Variants in MGA observed in about 807,000 individuals in gnomAD.
MGA encodes MAX gene-associated protein.
Under a neutral mutation model 261.1 loss-of-function variants are expected in MGA, and 40 were observed. That is an observed-to-expected ratio of 0.15 (90% CI 0.12 to 0.20). The LOEUF is 0.20. Among genes scored for constraint, MGA ranks in the 10% least tolerant of loss-of-function variants. The pLI is 1.00. For missense variants in MGA, 3,397 were observed against 3,630.5 expected (o/e 0.94, Z 1.65); for synonymous variants, 1,302 against 1,290.6 (o/e 1.01, Z -0.19).
intron 1 of MGA, among the ~76,000 whole-genome samples, chr15:41,626,572 G>A (rs1320875860): frequency 1.3e-5 from 2 of 151,496 alleles, no homozygotes; most frequent in Non-Finnish European, 2.9e-5. Context: ...ACAGGCATGC[G>A]CCATCACGCC....
intron 18 of MGA, among the ~76,000 whole-genome samples, chr15:41,755,915 A>G (rs1201869879): frequency 6.6e-6 from 1 of 152,058 alleles, no homozygotes; most frequent in Non-Finnish European, 1.5e-5. Context: ...GCTACTCGGG[A>G]GGCTAAGGCA....
chr15:41,655,889 A>G (rs1427557187), upstream of MGA, among the ~76,000 whole-genome samples: 1 of 152,232 alleles, frequency 6.6e-6, no homozygotes, highest in African/African-American at 2.4e-5. Flanking sequence ...CTGTTTTCCA[A>G]ACCTCACATT....
chr15:41,729,816 C>CA (rs775349536), intron 11 of MGA, among the ~76,000 whole-genome samples: 3 of 152,086 alleles, frequency 2.0e-5, no homozygotes, highest in Admixed American at 6.5e-5. Flanking sequence ...GCCTGGGTGA[C>CA]AGAGTGAGAC....
At chr15:41,727,673 G>GT (rs1241705904) in intron 10 of MGA, among the ~76,000 whole-genome samples, 1 of 152,108 alleles carries the variant, frequency 6.6e-6, no homozygotes, top group Non-Finnish European at 1.5e-5. Context: ...CTTGGAAAAA[G>GT]TTTTTTAAAG....
intron 2 of MGA, among the ~76,000 whole-genome samples, chr15:41,675,998 C>G (rs1193120721): frequency 1.3e-5 from 2 of 152,132 alleles, no homozygotes; most frequent in African/African-American, 4.8e-5. Flanking sequence ...TAATTCCAAC[C>G]TAAGCACAGA....
At chr15:41,760,151 G>A (rs1363765052) in intron 19 of MGA, 172 bp from the exon 20 acceptor site, 2 of 613,948 alleles carry the variant, frequency 3.3e-6, no homozygotes, top group African/African-American at 1.9e-5. Context: ...GGCATTGTAA[G>A]AGTTAGATTT....
At position 41,749,830 on chromosome 15, in the gene MGA, A is replaced by G. The variant is rs2062735433; in HGVS notation, c.6223A>G (p.Lys2075Glu). 1 of 1,613,976 alleles carries G rather than the reference A, an allele frequency of 6.2e-7. No individual in the cohort carries two copies. The highest frequency in any genetic ancestry group is 1.3e-5 in the African/African-American group (1 of 75,066). The change falls in exon 17 of 24, where the codon AAG (lysine) becomes GAG (glutamate). Residue 2075 changes from lysine to glutamate, a missense_variant. Transcript: ENST00000219905. ...TGAAGAATATGGGGCTAGGAATCGTAAGAGTTCCAAAGAAAAAGTGGCTGT... is the reference window on the plus strand; with the variant it reads ...TGAAGAATATGGGGCTAGGAATCGTGAGAGTTCCAAAGAAAAAGTGGCTGT...
In MGA at chr15:41,760,343, A is replaced by G. The variant is rs765416627; in HGVS notation, c.7212A>G (p.Lys2404=). The G allele has an allele frequency of 5.0e-6, 8 of 1,613,996 alleles. No individual in the cohort carries two copies. Among genetic ancestry groups the G allele is most frequent in the Non-Finnish European group, 5.9e-6 (7 of 1,179,882 alleles). Residue 2404 remains lysine (K), a synonymous_variant, in exon 20 of 24, where the codon AAA becomes AAG. Coordinates refer to ENST00000219905, the MANE Select transcript of MGA (RefSeq NM_001164273.2). ...GACAGGCTCCACCAATTCCTCTAAA[A>G]CTGAAGCCTGATTACTGGAGTGACA... is the stretch of plus-strand genomic sequence containing the variant.
intron 1 of MGA, among the ~76,000 whole-genome samples, chr15:41,626,892 C>G (rs978098694): frequency 6.6e-6 from 1 of 151,938 alleles, no homozygotes; most frequent in Admixed American, 6.6e-5. Flanking sequence ...GAGATGGAGT[C>G]TCTCTCTGTC....
intron 9 of MGA, among the ~76,000 whole-genome samples, chr15:41,714,330 C>G (rs886070251): frequency 3.9e-5 from 6 of 152,088 alleles, no homozygotes. Context: ...GTTATAATCC[C>G]TTTGGTTGGA....
At chr15:41,644,044 T>G (rs2056882758) in intron 1 of MGA, among the ~76,000 whole-genome samples, 1 of 152,128 alleles carries the variant, frequency 6.6e-6, no homozygotes, top group Non-Finnish European at 1.5e-5. Context: ...TTTTTTTGAG[T>G]CAATGTTCTG....
At chr15:41,747,266 C>G (rs2062557843) in intron 15 of MGA, among the ~76,000 whole-genome samples, 1 of 152,004 alleles carries the variant, frequency 6.6e-6, no homozygotes. Flanking sequence ...AACCTTTAAG[C>G]TTTGCATATT....
chr15:41,760,463 G>C lies in MGA; in HGVS notation c.7332G>C (p.Glu2444Asp), dbSNP rs2151993319. 1 of 1,613,998 alleles carries C rather than the reference G, an allele frequency of 6.2e-7. No homozygotes were observed. The highest frequency in any genetic ancestry group is 8.5e-7 in the Non-Finnish European group (1 of 1,179,878). Residue 2444 changes from glutamate (E) to aspartate (D), a missense_variant, in exon 20 of 24, where the codon GAG becomes GAC. Transcript: ENST00000219905. The stretch of plus-strand genomic sequence containing the variant: ...GTGGTGAAATGAGGGATCTCTTTGA[G>C]AAATTAAAGATCACATTGGGATTAC...
At chr15:41,656,377 T>TCTCTCTCA (rs1555403733), upstream of MGA, among the ~76,000 whole-genome samples, 541 of 67,994 alleles carry the variant, frequency 8.0e-3, 16 homozygotes, top group African/African-American at 0.016. Flanking sequence ...TCTCTCTCTC[T>TCTCTCTCA]CACACCCAGG....
intron 2 of MGA, among the ~76,000 whole-genome samples, chr15:41,671,770 G>C (rs1369419955): frequency 6.6e-6 from 1 of 152,148 alleles, no homozygotes; most frequent in Non-Finnish European, 1.5e-5. Context: ...GAATCTCCGT[G>C]CTCATGAGTT....
chr15:41,766,324 T>G lies in MGA; in HGVS notation c.8242T>G (p.Ser2748Ala). The change falls in exon 24 of 24, where the codon TCT becomes GCT. Residue 2748 changes from serine (S) to alanine (A), a missense_variant. Ser to Ala is a moderately conservative substitution (Grantham distance 99). Coordinates refer to ENST00000219905, the MANE Select transcript of MGA (RefSeq NM_001164273.2). ...ACAAGAGTTCTTACCTAAAAAGATT[T>G]CTGGTGATATGAGAGGGATTCAGTA... is the stretch of plus-strand genomic sequence containing the variant. 6.2e-7 allele frequency: 1 copy of G among 1,613,892 alleles called. No homozygotes were observed. Among genetic ancestry groups the G allele is most frequent in the South Asian group, 1.1e-5 (1 of 91,060 alleles).
intron 17 of MGA, among the ~76,000 whole-genome samples, chr15:41,752,718 G>A (rs1201599981): frequency 6.6e-6 from 1 of 151,908 alleles, no homozygotes; most frequent in African/African-American, 2.4e-5. Context: ...ACCATGCCCA[G>A]CTAATTTTTG....
intron 7 of MGA, 73 bp downstream of exon 7, chr15:41,708,281 T>C (rs1048590202): frequency 3.6e-6 from 4 of 1,113,968 alleles, no homozygotes; most frequent in Middle Eastern, 2.8e-4. Context: ...AAGTAAGTCT[T>C]GGTTGTTTTT....
rs192293004 is a variant in MGA, at chr15:41,769,699, A to G, written c.*2419A>G. 6 of 152,758 alleles carry G rather than the reference A, an allele frequency of 3.9e-5. No individual in the cohort carries two copies. The highest frequency in any genetic ancestry group is 5.9e-5 in the Non-Finnish European group (4 of 68,032). The allele number at this position is 152,758 out of a possible 1,614,324, so 9.5% of individuals were successfully genotyped here. A position where few individuals can be genotyped will look rare whatever the true frequency, so the allele number is the denominator to read the frequency against. On this transcript the variant is annotated 3_prime_UTR_variant, in exon 24 of 24. Transcript: ENST00000219905. ...GACAGTGAGCTCTCACCCTAACACT[A>G]TAAGAAGCATGATCTCAATAGACCA...
Sources: allele counts gnomAD v4.1 joint callset (sites outside exome capture counted in the v4.1 genomes callset), GRCh38; gene constraint gnomAD v4.1.1; transcripts MANE v1.5; gene names NCBI Gene and HGNC (gene_info 2026-07-23, HGNC 2026-07-21).